The following MTMR7 variants were observed in gnomAD, a reference collection of about 807,000 sequenced individuals.
The protein encoded by MTMR7 is phosphatidylinositol-3-phosphate phosphatase MTMR7.
Under a neutral mutation model 81.2 loss-of-function variants are expected in MTMR7, and 76 were observed. The ratio of observed to expected loss-of-function variants is 0.94; its 90% confidence interval spans 0.78 to 1.13. MTMR7 has a LOEUF of 1.13. Ranked by LOEUF, MTMR7 falls within the 50% of genes most tolerant of loss-of-function variation. MTMR7 has a pLI of 0.00. For missense variants in MTMR7, 1,044 were observed against 820.0 expected (o/e 1.27, Z -3.34); for synonymous variants, 372 against 289.8 (o/e 1.28, Z -2.88).
In MTMR7 at chr8:17,301,803, A is replaced by G. The variant is rs1817133179; in HGVS notation, c.1620+351T>C. 17 of 299,042 alleles carry G rather than the reference A, an allele frequency of 5.7e-5. No homozygotes were observed. In the East Asian group the frequency reaches 1.0e-3, roughly 18 times the overall value. 18.5% of individuals were successfully genotyped at this position (299,042 alleles called of 1,614,324 possible). On this transcript the variant is annotated intron_variant, in intron 13 of 13. Transcript: ENST00000180173. The stretch of plus-strand genomic sequence containing the variant: ...ACATAATTTCTAAAAGTGGGGAAAG[A>G]GTTTTACAAGTACATATATTTGATT...
chr8:17,346,220 A>G (rs1287810032), intron 5 of MTMR7: 1 of 152,230 alleles, frequency 6.6e-6, no homozygotes, highest in Non-Finnish European at 1.5e-5. Context: ...ACATTGTTAT[A>G]AAACACAAAT....
intron 7 of MTMR7, among the ~76,000 whole-genome samples, chr8:17,320,011 A>C (rs1818298488): frequency 6.6e-6 from 1 of 152,230 alleles, no homozygotes; most frequent in South Asian, 2.1e-4. Flanking sequence ...CAAATTTTAA[A>C]GGCATGCTAC....
chr8:17,404,617 G>C (rs1007962210), intron 1 of MTMR7, among the ~76,000 whole-genome samples: 2 of 151,968 alleles, frequency 1.3e-5, no homozygotes, highest in African/African-American at 4.8e-5. Flanking sequence ...ATTTTTTAAA[G>C]GGTATTCCTC....
At chr8:17,376,011 C>T (rs184900994) in intron 1 of MTMR7, among the ~76,000 whole-genome samples, 119 of 152,254 alleles carry the variant, frequency 7.8e-4, no homozygotes, top group Admixed American at 4.8e-3. Context: ...AACATTAACG[C>T]ACTATTTTAA....
chr8:17,393,866 G>A (rs1821174158), intron 1 of MTMR7, among the ~76,000 whole-genome samples: 1 of 152,102 alleles, frequency 6.6e-6, no homozygotes, highest in South Asian at 2.1e-4. Flanking sequence ...AAACGTTGAA[G>A]ATAATAAAAT....
chr8:17,382,632 G>A (rs1052550535), intron 1 of MTMR7, among the ~76,000 whole-genome samples: 1 of 152,116 alleles, frequency 6.6e-6, no homozygotes, highest in Non-Finnish European at 1.5e-5. Context: ...ACGGCATGCA[G>A]AACAATCTTA....
intron 7 of MTMR7, among the ~76,000 whole-genome samples, chr8:17,323,952 G>A (rs1818539166): frequency 6.6e-6 from 1 of 152,140 alleles, no homozygotes. Context: ...TCTTTGAACT[G>A]TCTCAGTGCA....
Position 17,394,406 on chromosome 8 carries a change from C to T in MTMR7, c.24+18863G>A, listed in dbSNP as rs115290968. ...TGATATATGCTACAACACGGATGAA[C>T]CTTGAAAATCTTAAGTTACGCTTAA... On this transcript the variant is annotated intron_variant, in intron 1 of 13. Coordinates refer to ENST00000180173, the MANE Select transcript of MTMR7 (RefSeq NM_004686.5). 3.8e-3 allele frequency among the ~76,000 whole-genome samples: 576 copies of T among 152,210 alleles called. 7 individuals are homozygous for T. Among genetic ancestry groups the T allele is most frequent in the African/African-American group, 0.013 (538 of 41,522 alleles).
At chr8:17,402,691 T>G (rs1451688973) in intron 1 of MTMR7, among the ~76,000 whole-genome samples, 1 of 152,232 alleles carries the variant, frequency 6.6e-6, no homozygotes, top group Non-Finnish European at 1.5e-5. Context: ...CTTCCAAATC[T>G]CGACTTCTGT....
chr8:17,300,204 C>A lies in MTMR7; in HGVS notation c.1641G>T (p.Lys547Asn). Reference protein sequence around the residue: ...ALEERLEKIQKVQLNCTKVKS... With the variant: ...ALEERLEKIQNVQLNCTKVKS... The stretch of plus-strand genomic sequence containing the variant: ...TCACCTTAGTGCAATTTAACTGGAC[C>A]TTTTGAATTTTTTCCAGCCTCTAAG... The change falls in exon 14 of 14, where the codon AAG becomes AAT. Residue 547 changes from lysine (K) to asparagine (N), a missense_variant. Lys to Asn is a moderately conservative substitution (Grantham distance 94). Coordinates refer to ENST00000180173, the MANE Select transcript of MTMR7 (RefSeq NM_004686.5). 6.2e-7 allele frequency: 1 copy of A among 1,603,720 alleles called. No homozygotes were observed. The highest frequency in any genetic ancestry group is 8.5e-7 in the Non-Finnish European group (1 of 1,174,556).
At chr8:17,318,384 C>T (rs1037902817) in intron 7 of MTMR7, among the ~76,000 whole-genome samples, 2 of 152,086 alleles carry the variant, frequency 1.3e-5, no homozygotes, top group African/African-American at 4.8e-5. Context: ...GAACAGCGTT[C>T]ATGATAATGG....
chr8:17,364,020 T>G (rs10105793), intron 3 of MTMR7, among the ~76,000 whole-genome samples: 30,486 of 122,264 alleles, frequency 0.25, 4,775 homozygotes, highest in East Asian at 0.67. Context: ...GTGTTGCTAT[T>G]ATTTTTTTTT....
Sources: gnomAD v4.1 joint callset for allele counts (sites outside exome capture counted in the v4.1 genomes callset) on GRCh38, gnomAD v4.1.1 for gene constraint, MANE v1.5 for transcripts, NCBI Gene and HGNC (gene_info 2026-07-23, HGNC 2026-07-21) for gene names.